DDHD2: variants seen among roughly 807,000 people sequenced by gnomAD.
The protein encoded by DDHD2 is triacylglycerol hydrolase DDHD2.
Under a neutral mutation model 91.2 loss-of-function variants are expected in DDHD2, and 62 were observed. The observed-to-expected ratio is 0.68, with a 90% CI of 0.55 to 0.84. DDHD2 has a LOEUF of 0.84. Among genes scored for constraint, DDHD2 ranks in the 40% least tolerant of loss-of-function variants. The pLI is 0.00. For synonymous variants in DDHD2, 271 were observed against 293.9 expected (o/e 0.92, Z 0.80); for missense variants, 740 against 846.9 (o/e 0.87, Z 1.57).
intron 15 of DDHD2, 179 bp downstream of exon 15, chr8:38,253,306 A>T: frequency 1.3e-6 from 1 of 797,490 alleles, no homozygotes; most frequent in African/African-American, 1.7e-5. Context: ...TATAAACCCA[A>T]GGCAAATGAC....
At chr8:38,265,060 A>G (rs1807374681), downstream of DDHD2, 1 of 771,056 alleles carries the variant, frequency 1.3e-6, no homozygotes, top group Non-Finnish European at 2.3e-6. Context: ...CGAGGTCAGG[A>G]GATTGAGACC....
chr8:38,268,895 G>T, intron 1 of DDHD2: 2 of 1,553,344 alleles, frequency 1.3e-6, no homozygotes, highest in South Asian at 2.4e-5. Context: ...CATCGGCTTG[G>T]TGGGGAAATA....
At chr8:38,248,265 CTT>C (rs1455496707) in intron 10 of DDHD2, among the ~76,000 whole-genome samples, 1 of 151,760 alleles carries the variant, frequency 6.6e-6, no homozygotes, top group African/African-American at 2.4e-5. Flanking sequence ...AAGCTGGTCT[CTT>C]GGCCAGGCTG....
rs768997599 is a variant in DDHD2 at position 38,238,222 on chromosome 8, G to A, written c.622+13G>A. 10 of 1,612,996 alleles carry A rather than the reference G, an allele frequency of 6.2e-6. No homozygotes were observed. The highest frequency in any genetic ancestry group is 3.3e-5 in the Admixed American group (2 of 59,894). On this transcript the variant is annotated intron_variant, in intron 5 of 17. Coordinates refer to ENST00000397166, the MANE Select transcript of DDHD2 (RefSeq NM_015214.3). The stretch of plus-strand genomic sequence containing the variant: ...GACATTCATTGTGGTAATGTTAATC[G>A]TTTATTTTTTCTTACCTTTGGATGT...
intron 1 of DDHD2, chr8:38,270,082 T>A (rs528191491): frequency 6.6e-6 from 1 of 152,330 alleles, no homozygotes; most frequent in East Asian, 1.9e-4. Flanking sequence ...CAACATCAAG[T>A]CATTATACAG....
At chr8:38,241,231 A>T (rs1805231677) in intron 6 of DDHD2, among the ~76,000 whole-genome samples, 1 of 151,162 alleles carries the variant, frequency 6.6e-6, no homozygotes, top group African/African-American at 2.4e-5. Context: ...ACAACAGTGT[A>T]TTTTTTTTTC....
chr8:38,267,129 G>C (rs1807744587), downstream of DDHD2: 1 of 1,540,408 alleles, frequency 6.5e-7, no homozygotes, highest in South Asian at 1.3e-5. Flanking sequence ...TTGTTAAACT[G>C]TGGAGTTACT....
chr8:38,242,782 G>A (rs1413910600), intron 7 of DDHD2, among the ~76,000 whole-genome samples: 1 of 152,148 alleles, frequency 6.6e-6, no homozygotes, highest in African/African-American at 2.4e-5. Context: ...GAAAAAAGGG[G>A]GGATTTCTCA....
chr8:38,268,473 T>C (rs1808070326), intron 1 of DDHD2: 4 of 1,560,208 alleles, frequency 2.6e-6, no homozygotes. Context: ...TGAATCAGAA[T>C]GTCAGAGGTT....
At chr8:38,233,603 A>G (rs939786513) in intron 2 of DDHD2, among the ~76,000 whole-genome samples, 2 of 151,058 alleles carry the variant, frequency 1.3e-5, no homozygotes, top group African/African-American at 4.9e-5. Flanking sequence ...AATATCTTTA[A>G]TGTTCTAGCT....
chr8:38,233,870 A>G lies in DDHD2; in HGVS notation c.221-524A>G, dbSNP rs1042493921. On this transcript the variant is annotated intron_variant, in intron 2 of 17. Transcript: ENST00000397166. ...CTCAAACCCGGGAGGCGGAGGTTACAGTGAGCCAAGATTGTGCCACTGGAC... is the reference window on the plus strand; with the variant it reads ...CTCAAACCCGGGAGGCGGAGGTTACGGTGAGCCAAGATTGTGCCACTGGAC... Among the ~76,000 whole-genome samples, 11 of 151,648 alleles carry G rather than the reference A, an allele frequency of 7.3e-5. No homozygotes were observed. The East Asian group carries it at 1.7e-3, about 24-fold the overall frequency.
At chr8:38,236,329 T>G (rs1378215895) in intron 3 of DDHD2, among the ~76,000 whole-genome samples, 2 of 148,354 alleles carry the variant, frequency 1.3e-5, no homozygotes, top group Non-Finnish European at 3.0e-5. Context: ...TGTTTTTGGT[T>G]TTTTTTTTTT....
At chr8:38,240,491 A>G in intron 6 of DDHD2, 127 bp downstream of exon 6, 2 of 572,814 alleles carry the variant, frequency 3.5e-6, no homozygotes, top group South Asian at 3.5e-5. Context: ...GTGGCAAGGT[A>G]GTAAAGCTTC....
rs1021314940 is a variant in DDHD2, at chr8:38,261,656, T to C, written c.*1083T>C. 1 of 152,170 alleles carries C rather than the reference T, an allele frequency of 6.6e-6. No individual in the cohort carries two copies. Among genetic ancestry groups the C allele is most frequent in the Non-Finnish European group, 1.5e-5 (1 of 68,020 alleles). 9.4% of individuals were successfully genotyped at this position (152,170 alleles called of 1,614,324 possible). ...GTTCTGAAAGAAAAACTTATGTCTG[T>C]AGGGTCCAAGAAACAGCTATTCCAG... On this transcript the variant is annotated 3_prime_UTR_variant, in exon 18 of 18. Transcript: ENST00000397166.
chr8:38,265,140 C>T, downstream of DDHD2: 1 of 541,828 alleles, frequency 1.8e-6, no homozygotes, highest in Non-Finnish European at 3.3e-6. Context: ...GTGGCATGTG[C>T]CTGTAATCCC....
downstream of DDHD2, chr8:38,266,965 C>T: frequency 9.3e-7 from 1 of 1,081,026 alleles, no homozygotes; most frequent in Non-Finnish European, 1.2e-6. Context: ...TTCAAAGTAC[C>T]TGACACATAG....
chr8:38,251,961 A>G lies in DDHD2; in HGVS notation c.1394A>G (p.Lys465Arg), dbSNP rs1806146400. The stretch of plus-strand genomic sequence containing the variant: ...CCTGCTTCAGGGGCAAACATCCCCA[A>G]AGAATCTGAGTTCTGCAGTAGCAGT... ...PQPASGANIPKESEFCSSSNT... is the reference protein window; with the variant it reads ...PQPASGANIPRESEFCSSSNT... The change falls in exon 12 of 18, where the codon AAA becomes AGA. Residue 465 changes from lysine (K) to arginine (R), a missense_variant. Around this residue, in one of 2 missense-constraint regions of DDHD2, gnomAD observed 693 missense variants for 764.2 expected, o/e 0.91. Coordinates refer to ENST00000397166, the MANE Select transcript of DDHD2 (RefSeq NM_015214.3). 2 of 1,614,236 alleles carry G rather than the reference A, an allele frequency of 1.2e-6. No individual in the cohort carries two copies. Among genetic ancestry groups the G allele is most frequent in the Non-Finnish European group, 1.7e-6 (2 of 1,180,024 alleles).
In DDHD2 at chr8:38,237,584, T is replaced by C; in HGVS notation, c.458T>C (p.Leu153Pro). The C allele has an allele frequency of 6.3e-7, 1 of 1,596,542 alleles. No individual in the cohort carries two copies. Among genetic ancestry groups the C allele is most frequent in the Non-Finnish European group, 8.5e-7 (1 of 1,171,280 alleles). ...AVTLDEWKKK[L>P]ESPNREIIIL... is the part of the protein sequence containing the mutation. ...ACTTTGGATGAATGGAAAAAGAAAC[T>C]GGAATCTCCCAACAGAGAAATTATT... Residue 153 changes from leucine to proline, a missense_variant, in exon 4 of 18, where the codon CTG (leucine) becomes CCG (proline). Leu to Pro is a moderately conservative substitution (Grantham distance 98, BLOSUM62 -3). Coordinates refer to ENST00000397166, the MANE Select transcript of DDHD2 (RefSeq NM_015214.3).
At chr8:38,240,231 T>C (rs747418611) in intron 5 of DDHD2, 44 bp from the exon 6 acceptor site, 1 of 1,181,692 alleles carries the variant, frequency 8.5e-7, no homozygotes, top group South Asian at 1.3e-5. Context: ...TTAGAATACA[T>C]GACTAATTAT....
Sources: gnomAD v4.1 joint callset for allele counts (sites outside exome capture counted in the v4.1 genomes callset) on GRCh38, gnomAD v4.1.1 for gene constraint, gnomAD v4.1.1 regional missense constraint, MANE v1.5 for transcripts, NCBI Gene and HGNC (gene_info 2026-07-23, HGNC 2026-07-21) for gene names.